LAMB4: variants seen among roughly 807,000 people sequenced by gnomAD.
LAMB4 encodes the protein laminin subunit beta 4, also known as laminin subunit beta-4.
In LAMB4, 196 loss-of-function variants were observed where a neutral mutation model predicts 199.2. That is an observed-to-expected ratio of 0.98 (90% CI 0.88 to 1.11). LAMB4 has a LOEUF of 1.11. LAMB4 is among the 50% of genes least tolerant of loss of function. The pLI, the probability that LAMB4 is intolerant of heterozygous loss-of-function variation, is 0.00. For synonymous variants in LAMB4, 744 were observed against 770.6 expected (o/e 0.97, Z 0.57); for missense variants, 2,080 against 2,171.2 (o/e 0.96, Z 0.83).
At chr7:108,060,888 C>T (rs997910753) in intron 23 of LAMB4, among the ~76,000 whole-genome samples, 2 of 152,196 alleles carry the variant, frequency 1.3e-5, no homozygotes, top group Admixed American at 6.5e-5. Context: ...AAGTAGGTTG[C>T]ACATAGTGAC....
intron 31 of LAMB4, among the ~76,000 whole-genome samples, chr7:108,031,336 A>G (rs1159739202): frequency 7.1e-6 from 1 of 141,732 alleles, no homozygotes; most frequent in East Asian, 2.0e-4. Flanking sequence ...AATAACAAAA[A>G]AAAAAAAAAA....
chr7:108,051,631 T>C (rs764958471), intron 26 of LAMB4, among the ~76,000 whole-genome samples: 17 of 152,216 alleles, frequency 1.1e-4, no homozygotes, highest in Admixed American at 2.0e-4. Context: ...GGGTGTGTAG[T>C]ATGTTGCATG....
Position 108,066,264 on chromosome 7 carries a change from C to A in LAMB4, c.2678+105G>T, listed in dbSNP as rs140832997. The A allele has an allele frequency of 3.5e-5, 30 of 849,552 alleles. No individual in the cohort carries two copies. In the East Asian group the frequency reaches 7.9e-4, roughly 22 times the overall value. The allele number at this position is 849,552 out of a possible 1,614,324, so 52.6% of individuals were successfully genotyped here. On this transcript the variant is annotated intron_variant, in intron 20 of 33. Transcript: ENST00000388781. ...TCTCCCCGACCTATAACAGTCCTCC[C>A]TCCCACACTTAAATATTGTTGAGTC...
intron 23 of LAMB4, among the ~76,000 whole-genome samples, chr7:108,059,611 C>T (rs1215225317): frequency 4.6e-5 from 7 of 152,194 alleles, no homozygotes; most frequent in Non-Finnish European, 1.0e-4. Context: ...GCCAGTAGAA[C>T]AGATAATGGG....
At chr7:108,049,296 T>C (rs1219912769) in intron 27 of LAMB4, 30 bp downstream of exon 27, 1 of 1,229,568 alleles carries the variant, frequency 8.1e-7, no homozygotes, top group Non-Finnish European at 1.2e-6. Context: ...AAACCACAAA[T>C]GCTTTGACCT....
At chr7:108,097,644 G>T (rs1482284081) in intron 11 of LAMB4, among the ~76,000 whole-genome samples, 1 of 152,130 alleles carries the variant, frequency 6.6e-6, no homozygotes, top group Non-Finnish European at 1.5e-5. Flanking sequence ...AATTAGCCGG[G>T]CGTGGTGGCA....
chr7:108,027,366 A>G (rs112775040), intron 33 of LAMB4, among the ~76,000 whole-genome samples: 3 of 152,244 alleles, frequency 2.0e-5, no homozygotes, highest in African/African-American at 7.2e-5. Flanking sequence ...AAGCAATTAT[A>G]TAAGTGCAAG....
intron 27 of LAMB4, 61 bp from the exon 28 acceptor site, chr7:108,048,172 T>G: frequency 7.0e-7 from 1 of 1,424,986 alleles, no homozygotes; most frequent in Non-Finnish European, 9.5e-7. Flanking sequence ...TTTTTTTTTT[T>G]TTTTTTTTTT....
intron 12 of LAMB4, among the ~76,000 whole-genome samples, chr7:108,093,259 G>T (rs1274931589): frequency 6.6e-6 from 1 of 152,112 alleles, no homozygotes; most frequent in Admixed American, 6.6e-5. Flanking sequence ...TAGAGACGGG[G>T]TTTTACCGTG....
chr7:108,022,344 A>G (rs1055845630), downstream of LAMB4, among the ~76,000 whole-genome samples: 6 of 152,214 alleles, frequency 3.9e-5, no homozygotes, highest in African/African-American at 9.6e-5. Flanking sequence ...ATTAGCCACA[A>G]AGCTTTTCCC....
chr7:108,038,362 C>G (rs1220052909), intron 29 of LAMB4, among the ~76,000 whole-genome samples: 1 of 152,104 alleles, frequency 6.6e-6, no homozygotes, highest in Non-Finnish European at 1.5e-5. Flanking sequence ...GGGGTTTCAC[C>G]ATGTTGGCCA....
chr7:108,032,953 C>T (rs1466081884), intron 31 of LAMB4, among the ~76,000 whole-genome samples: 2 of 152,084 alleles, frequency 1.3e-5, no homozygotes, highest in East Asian at 3.8e-4. Flanking sequence ...TTTTTGGCCT[C>T]TGAGACTATC....
intron 2 of LAMB4, among the ~76,000 whole-genome samples, chr7:108,121,816 T>C (rs2038610844): frequency 6.6e-6 from 1 of 151,920 alleles, no homozygotes; most frequent in Non-Finnish European, 1.5e-5. Context: ...CTAAAACCTA[T>C]GGGGCAGTGC....
chr7:108,052,382 G>C, intron 25 of LAMB4, 125 bp from the exon 26 acceptor site: 1 of 645,760 alleles, frequency 1.5e-6, no homozygotes, highest in Non-Finnish European at 2.5e-6. Context: ...CCTTCTACTC[G>C]AGTTTTTCAT....
At chr7:108,112,475 T>A (rs980050077) in intron 3 of LAMB4, among the ~76,000 whole-genome samples, 1 of 145,042 alleles carries the variant, frequency 6.9e-6, no homozygotes. Flanking sequence ...GTATTTTTAT[T>A]AGAGACAGGT....
At chr7:108,080,829 A>C (rs2036902453) in intron 14 of LAMB4, among the ~76,000 whole-genome samples, 1 of 152,108 alleles carries the variant, frequency 6.6e-6, no homozygotes, top group Non-Finnish European at 1.5e-5. Flanking sequence ...AAAAAAAAAA[A>C]AACCCCTTGT....
intron 22 of LAMB4, among the ~76,000 whole-genome samples, chr7:108,063,548 C>T (rs1406623545): frequency 1.3e-5 from 2 of 152,200 alleles, no homozygotes; most frequent in Admixed American, 6.5e-5. Flanking sequence ...CTAATAACAC[C>T]AGTGAGAACA....
In LAMB4 at chr7:108,024,115, A is replaced by G; in HGVS notation, c.5210T>C (p.Ile1737Thr). Residue 1737 changes from isoleucine (I) to threonine (T), a missense_variant, in exon 34 of 34, where the codon ATA (isoleucine) becomes ACA (threonine). Transcript: ENST00000388781. The stretch of plus-strand genomic sequence containing the variant: ...AATGGCAACAACTTGATCTTCCAAT[A>G]TTCTCAGTTGATCAGCTTTTGCTTG... ...SRQAKADQLR[I>T]LEDQVVAIKN... 3 of 1,604,578 alleles carry G rather than the reference A, an allele frequency of 1.9e-6. No individual in the cohort carries two copies. Among genetic ancestry groups the G allele is most frequent in the Non-Finnish European group, 2.6e-6 (3 of 1,173,682 alleles).
chr7:108,091,599 T>G (rs1433141988), intron 14 of LAMB4, 27 bp downstream of exon 14: 2 of 1,606,512 alleles, frequency 1.2e-6, no homozygotes, highest in Admixed American at 3.4e-5. Flanking sequence ...AAACACAGTC[T>G]GTAGGGAAAG....
Sources: allele counts gnomAD v4.1 joint callset (sites outside exome capture counted in the v4.1 genomes callset), GRCh38; gene constraint gnomAD v4.1.1; transcripts MANE v1.5; gene names NCBI Gene and HGNC (gene_info 2026-07-23, HGNC 2026-07-21).